NCOR1: variants seen among roughly 807,000 people sequenced by gnomAD.
The protein encoded by NCOR1 is protein phosphatase 1, regulatory subunit 109.
A neutral mutation model predicts 288.1 loss-of-function variants in NCOR1; 63 were observed. The ratio of observed to expected loss-of-function variants is 0.22; its 90% CI spans 0.18 to 0.27. The LOEUF (loss-of-function observed/expected upper bound fraction) is 0.27, where lower values mean the gene tolerates loss of function less well. Among genes scored for constraint, NCOR1 ranks in the 10% least tolerant of loss-of-function variants. The pLI, the probability that NCOR1 is intolerant of heterozygous loss-of-function variation, is 1.00. For missense variants in NCOR1, 2,397 were observed against 3,019.2 expected (o/e 0.79, Z 4.83); for synonymous variants, 1,007 against 1,065.9 (o/e 0.94, Z 1.08).
intron 15 of NCOR1, among the ~76,000 whole-genome samples, chr17:16,121,951 A>T (rs1169709541): frequency 6.6e-6 from 1 of 152,158 alleles, no homozygotes; most frequent in Non-Finnish European, 1.5e-5. Context: ...CAGTTTCCTC[A>T]TCTGTACAAT....
rs143046491 is a variant in NCOR1, at chr17:16,126,869, T to G, written c.1510-663A>C. Reference sequence around the variant, plus strand: ...AAAGTGAAACTAAGTGTGCAATGAATGCTACTACAGTAGCCCCCACCATAT... The same window carrying G: ...AAAGTGAAACTAAGTGTGCAATGAAGGCTACTACAGTAGCCCCCACCATAT... On this transcript the variant is annotated intron_variant, in intron 14 of 45. Transcript: ENST00000268712. Among the ~76,000 whole-genome samples the G allele has an allele frequency of 2.6e-3, 395 of 152,328 alleles. 3 individuals carry two copies. Among genetic ancestry groups the G allele is most frequent in the African/African-American group, 9.0e-3 (373 of 41,578 alleles).
At chr17:16,184,671 TA>T (rs1048409886) in intron 3 of NCOR1, among the ~76,000 whole-genome samples, 6 of 152,200 alleles carry the variant, frequency 3.9e-5, no homozygotes, top group African/African-American at 1.4e-4. Flanking sequence ...CTAAAGCAAT[TA>T]AAAATAGAAC....
At chr17:16,063,976 T>C in intron 35 of NCOR1, 92 bp downstream of exon 35, 2 of 1,424,768 alleles carry the variant, frequency 1.4e-6, no homozygotes, top group Non-Finnish European at 9.3e-7. Flanking sequence ...AATTTTTGTT[T>C]CCATCAAAAC....
At chr17:16,072,743 GT>G (rs2152745184) in intron 28 of NCOR1, among the ~76,000 whole-genome samples, 1 of 152,310 alleles carries the variant, frequency 6.6e-6, no homozygotes, top group South Asian at 2.1e-4. Flanking sequence ...AAAAGTGTGT[GT>G]TTTTAACATA....
chr17:16,054,758 C>T (rs1008360520), intron 40 of NCOR1, among the ~76,000 whole-genome samples: 1 of 151,944 alleles, frequency 6.6e-6, no homozygotes, highest in Non-Finnish European at 1.5e-5. Flanking sequence ...AGTGAAAAAC[C>T]CTGTCTCTAC....
intron 11 of NCOR1, among the ~76,000 whole-genome samples, chr17:16,140,447 T>G (rs2076988257): frequency 6.6e-6 from 1 of 152,182 alleles, no homozygotes; most frequent in African/African-American, 2.4e-5. Context: ...AAGGACTGCT[T>G]GAGCCCAGGA....
intron 1 of NCOR1, among the ~76,000 whole-genome samples, chr17:16,201,375 G>A (rs530055843): frequency 2.0e-5 from 3 of 152,110 alleles, no homozygotes; most frequent in African/African-American, 7.2e-5. Context: ...GAGGCAAGTG[G>A]ATCACTAGAA....
At chr17:16,197,783 G>A (rs1181152717) in intron 1 of NCOR1, among the ~76,000 whole-genome samples, 3 of 152,140 alleles carry the variant, frequency 2.0e-5, no homozygotes, top group Non-Finnish European at 4.4e-5. Flanking sequence ...GGTGGAAGGG[G>A]AAAAGCCAGC....
At chr17:16,171,753 A>G in intron 4 of NCOR1, 50 bp downstream of exon 4, 11 of 1,425,784 alleles carry the variant, frequency 7.7e-6, no homozygotes, top group Non-Finnish European at 1.0e-5. Flanking sequence ...GTATAACTAA[A>G]TAAACATTAC....
intron 12 of NCOR1, among the ~76,000 whole-genome samples, chr17:16,138,478 A>G (rs3760293): frequency 0.53 from 80,805 of 152,072 alleles, 21,889 homozygotes; most frequent in Middle Eastern, 0.62. Context: ...CCACCTACTC[A>G]GGAAGCTGAG....
At chr17:16,156,098 G>T (rs540958083) in intron 6 of NCOR1, among the ~76,000 whole-genome samples, 2 of 152,120 alleles carry the variant, frequency 1.3e-5, no homozygotes, top group East Asian at 3.9e-4. Context: ...TTCAAGACCT[G>T]GGCAACATAA....
intron 21 of NCOR1, among the ~76,000 whole-genome samples, chr17:16,093,778 A>G (rs2065834029): frequency 6.6e-6 from 1 of 152,196 alleles, no homozygotes; most frequent in Non-Finnish European, 1.5e-5. Context: ...CAATGAAAAT[A>G]TTATTTCTTA....
chr17:16,212,590 T>C (rs562661194), intron 1 of NCOR1, among the ~76,000 whole-genome samples: 153 of 152,228 alleles, frequency 1.0e-3, no homozygotes, highest in Non-Finnish European at 1.8e-3. Flanking sequence ...CAAGAAGAAT[T>C]TGAAATTACA....
At chr17:16,083,060 G>A (rs1045218219) in intron 23 of NCOR1, among the ~76,000 whole-genome samples, 6 of 151,838 alleles carry the variant, frequency 4.0e-5, no homozygotes, top group Non-Finnish European at 8.8e-5. Context: ...GTGAAACCCC[G>A]TCTCTACTAA....
At chr17:16,102,962 A>C (rs575521404) in intron 19 of NCOR1, among the ~76,000 whole-genome samples, 1 of 152,354 alleles carries the variant, frequency 6.6e-6, no homozygotes, top group South Asian at 2.1e-4. Flanking sequence ...CGGCTACCAC[A>C]CTGGACAGAA....
chr17:16,189,020 G>A (rs2087456201), intron 2 of NCOR1, among the ~76,000 whole-genome samples: 1 of 151,620 alleles, frequency 6.6e-6, no homozygotes. Context: ...GCAAGACTCT[G>A]TCTCAAAAAA....
chr17:16,062,176 G>T lies in NCOR1; in HGVS notation c.5316C>A (p.Pro1772=). The T allele has an allele frequency of 6.2e-7, 1 of 1,614,090 alleles. No individual in the cohort carries two copies. Among genetic ancestry groups the T allele is most frequent in the Non-Finnish European group, 8.5e-7 (1 of 1,180,018 alleles). The change falls in exon 36 of 46, where the codon CCC becomes CCA. Residue 1772 remains proline, a synonymous_variant. Transcript: ENST00000268712. ...TTCCATTGGTTCCTTGGAAAACACT[G>T]GGTCTCTGTTGCAACATGGTCTCCT... The part of the protein sequence containing the change: ...RTQETMLQQR[P]SVFQGTNGTS...
chr17:16,169,221 G>T (rs1440682490), intron 4 of NCOR1, among the ~76,000 whole-genome samples: 1 of 151,980 alleles, frequency 6.6e-6, no homozygotes, highest in African/African-American at 2.4e-5. Flanking sequence ...GCTGACTCTG[G>T]ACACACTGCC....
At chr17:16,092,449 T>G (rs1169727997) in intron 21 of NCOR1, among the ~76,000 whole-genome samples, 2 of 151,732 alleles carry the variant, frequency 1.3e-5, no homozygotes, top group Non-Finnish European at 1.5e-5. Context: ...ATTGCACCAC[T>G]GCACTCCAGC....
Sources: allele counts gnomAD v4.1 joint callset (sites outside exome capture counted in the v4.1 genomes callset), GRCh38; gene constraint gnomAD v4.1.1; transcripts MANE v1.5; gene names NCBI Gene and HGNC (gene_info 2026-07-23, HGNC 2026-07-21).